ERGIC1: variants seen among roughly 807,000 people sequenced by gnomAD.
The protein encoded by ERGIC1 is endoplasmic reticulum-golgi intermediate compartment 1.
In ERGIC1, 19 loss-of-function variants were observed where a neutral mutation model predicts 38.3. That is an observed-to-expected ratio of 0.50 (90% CI 0.35 to 0.73). ERGIC1 has a LOEUF of 0.73. Ranked by LOEUF, ERGIC1 falls within the 30% of genes least tolerant of loss-of-function variation. ERGIC1 has a pLI of 0.01. For missense variants in ERGIC1, 294 were observed against 389.2 expected (o/e 0.76, Z 2.06); for synonymous variants, 124 against 157.6 (o/e 0.79, Z 1.60).
chr5:172,871,327 G>A (rs937528299), intron 1 of ERGIC1, among the ~76,000 whole-genome samples: 2 of 152,070 alleles, frequency 1.3e-5, no homozygotes, highest in South Asian at 2.1e-4. Context: ...TCCCTGCCTC[G>A]AGGCCTTTGC....
At position 172,893,868 on chromosome 5, in the gene ERGIC1, GATATATATAT is replaced by G. The variant is rs1191189327; in HGVS notation, c.83-3105_83-3096del. On this transcript the variant is annotated intron_variant, in intron 2 of 9. Transcript: ENST00000393784. ...CATTACGCTGCTGTTCACTTAGGGG[GATATATATAT>G]ATATATATATATATATATATATATA... Among the ~76,000 whole-genome samples, 42 of 28,248 alleles carry G rather than the reference GATATATATAT, an allele frequency of 1.5e-3. 1 individual carries two copies. The highest frequency in any genetic ancestry group is 2.3e-3 in the South Asian group (1 of 432). 18.5% of individuals were successfully genotyped at this position (28,248 alleles called of 152,430 possible). A position where few individuals can be genotyped will look rare whatever the true frequency, so the allele number is the denominator to read the frequency against.
chr5:172,877,410 ATGTGTGTGTGTGTG>A (rs34909688), intron 1 of ERGIC1, among the ~76,000 whole-genome samples: 2 of 102,316 alleles, frequency 2.0e-5, no homozygotes, highest in East Asian at 2.6e-4. Flanking sequence ...TATTATATAT[ATGTGTGTGTGTGTG>A]TGTGTGTGTG....
At chr5:172,867,197 C>T in intron 1 of ERGIC1, 1 of 455,790 alleles carries the variant, frequency 2.2e-6, no homozygotes, top group Non-Finnish European at 4.4e-6. Flanking sequence ...TATCGTGCTA[C>T]CTGGAAAGTG....
In ERGIC1 at chr5:172,873,880, C is replaced by G. The variant is rs143025692; in HGVS notation, c.21-14819C>G. ...GTCCCCTTTCCCGTCCCTCTGTTGA[C>G]CTGTGGTAACTCAGGTGGGTGCAGG... is the stretch of plus-strand genomic sequence containing the variant. On this transcript the variant is annotated intron_variant, in intron 1 of 9. Transcript: ENST00000393784. 1.8e-3 allele frequency among the ~76,000 whole-genome samples: 268 copies of G among 152,338 alleles called. 1 individual carries two copies. The East Asian group carries it at 0.024, about 13-fold the overall frequency.
intron 1 of ERGIC1, among the ~76,000 whole-genome samples, chr5:172,863,448 C>G (rs1271670174): frequency 6.6e-6 from 1 of 152,188 alleles, no homozygotes; most frequent in African/African-American, 2.4e-5. Context: ...CACTGCGCAG[C>G]CTCCCAGAAC....
In ERGIC1 at chr5:172,860,390, T is replaced by C. The variant is rs1003079067; in HGVS notation, c.20+25957T>C. ...CATGCTTCATCCCCACAACCAGTCA[T>C]TAGGAACAACTTACACATTGGGAAG... On this transcript the variant is annotated intron_variant, in intron 1 of 9. Coordinates refer to ENST00000393784, the MANE Select transcript of ERGIC1 (RefSeq NM_001031711.3). Among the ~76,000 whole-genome samples the C allele has an allele frequency of 3.2e-4, 49 of 152,354 alleles. 1 individual carries two copies. The highest frequency in any genetic ancestry group is 2.7e-3 in the Admixed American group (42 of 15,306).
At chr5:172,908,265 C>G (rs1478933525) in intron 3 of ERGIC1, among the ~76,000 whole-genome samples, 5 of 98,292 alleles carry the variant, frequency 5.1e-5, no homozygotes, top group Non-Finnish European at 1.1e-4. Flanking sequence ...CACAGTGGCT[C>G]ACGCCTGTAA....
rs1460244053 is a variant in ERGIC1 at position 172,834,506 on chromosome 5, C to T, written c.20+73C>T. 1.1e-5 allele frequency: 14 copies of T among 1,242,592 alleles called. No homozygotes were observed. The highest frequency in any genetic ancestry group is 4.2e-5 in the Admixed American group (1 of 23,570). 77.0% of individuals were successfully genotyped at this position (1,242,592 alleles called of 1,614,324 possible). A position where few individuals can be genotyped will look rare whatever the true frequency, so the allele number is the denominator to read the frequency against. ...GGGAGCGCCCCGGCACGCCGCGGAC[C>T]CCTCCCGCCCTGCATGCAAAAGCGG... is the stretch of plus-strand genomic sequence containing the variant. On this transcript the variant is annotated intron_variant, in intron 1 of 9. Coordinates refer to ENST00000393784, the MANE Select transcript of ERGIC1 (RefSeq NM_001031711.3). The surrounding 1 kb of genome is among the most constrained non-coding windows in gnomAD (Gnocchi z 4.1).
At chr5:172,862,289 C>T (rs1192365122) in intron 1 of ERGIC1, among the ~76,000 whole-genome samples, 7 of 106,396 alleles carry the variant, frequency 6.6e-5, no homozygotes, top group African/African-American at 1.1e-4. Flanking sequence ...GCCTGGGCAA[C>T]TGAGTGAGAC....
intron 1 of ERGIC1, among the ~76,000 whole-genome samples, chr5:172,886,704 A>G (rs1213476469): frequency 6.6e-6 from 1 of 152,216 alleles, no homozygotes; most frequent in African/African-American, 2.4e-5. Flanking sequence ...CCTCACCACC[A>G]TGCTGTGAGA....
intron 9 of ERGIC1, among the ~76,000 whole-genome samples, chr5:172,949,999 G>C (rs1161658777): frequency 3.9e-5 from 6 of 152,180 alleles, no homozygotes; most frequent in Non-Finnish European, 8.8e-5. Context: ...CGTGAACCCG[G>C]GAGGCGGAGC....
intron 1 of ERGIC1, among the ~76,000 whole-genome samples, chr5:172,866,129 A>G (rs894683980): frequency 3.9e-5 from 6 of 152,178 alleles, no homozygotes; most frequent in African/African-American, 1.4e-4. Flanking sequence ...TTAAATTTTA[A>G]TTTAAATGTT....
At chr5:172,860,853 CCA>C (rs1761680103) in intron 1 of ERGIC1, among the ~76,000 whole-genome samples, 1 of 152,166 alleles carries the variant, frequency 6.6e-6, no homozygotes, top group Non-Finnish European at 1.5e-5. Flanking sequence ...AGCCAGAGTT[CCA>C]CAGTGTTTGG....
intron 9 of ERGIC1, among the ~76,000 whole-genome samples, chr5:172,943,871 C>T (rs1318871173): frequency 3.3e-5 from 5 of 152,248 alleles, no homozygotes; most frequent in Admixed American, 1.3e-4. Context: ...CGCTCCAGTG[C>T]GGCTGGAACA....
intron 1 of ERGIC1, among the ~76,000 whole-genome samples, chr5:172,877,845 G>C (rs1762184998): frequency 6.6e-6 from 1 of 152,120 alleles, no homozygotes; most frequent in African/African-American, 2.4e-5. Context: ...CTATTAATGG[G>C]CCAGGCCCTG....
At chr5:172,910,637 G>C (rs996090031) in intron 4 of ERGIC1, among the ~76,000 whole-genome samples, 6 of 149,108 alleles carry the variant, frequency 4.0e-5, no homozygotes, top group African/African-American at 1.5e-4. Context: ...CGATTCTTCT[G>C]CCTCAGCCTC....
At chr5:172,893,905 A>ATATATATGTG (rs1173039695) in intron 2 of ERGIC1, among the ~76,000 whole-genome samples, 30 of 15,528 alleles carry the variant, frequency 1.9e-3, no homozygotes, top group African/African-American at 2.3e-3. Flanking sequence ...ATATATATAT[A>ATATATATGTG]TGTGTGTGTG....
chr5:172,886,819 C>A (rs1483799906), intron 1 of ERGIC1, among the ~76,000 whole-genome samples: 1 of 152,188 alleles, frequency 6.6e-6, no homozygotes, highest in African/African-American at 2.4e-5. Context: ...TGAGCCCAGG[C>A]ATCTGATTCC....
chr5:172,924,931 C>T (rs1028578253), intron 6 of ERGIC1, among the ~76,000 whole-genome samples: 6 of 152,090 alleles, frequency 3.9e-5, no homozygotes, highest in Non-Finnish European at 7.4e-5. Flanking sequence ...GGGGGGAAGA[C>T]AGATGTTGAT....
Sources: gnomAD v4.1 joint callset for allele counts (sites outside exome capture counted in the v4.1 genomes callset) on GRCh38, gnomAD v4.1.1 for gene constraint, Gnocchi (gnomAD v3.1) non-coding constraint, MANE v1.5 for transcripts, NCBI Gene and HGNC (gene_info 2026-07-23, HGNC 2026-07-21) for gene names.